Variants in VIT observed in about 807,000 individuals in gnomAD.
VIT encodes vitrin.
VIT carries 99 observed loss-of-function variants against 78.0 expected under a neutral mutation model. The observed-to-expected ratio is 1.27, with a 90% confidence interval of 1.08 to 1.50. VIT has a LOEUF of 1.50. Ranked by LOEUF, VIT falls within the 40% of genes most tolerant of loss-of-function variation. VIT has a pLI of 0.00. For missense variants in VIT, 1,126 were observed against 875.3 expected (o/e 1.29, Z -3.61); for synonymous variants, 374 against 334.3 (o/e 1.12, Z -1.29).
chr2:36,792,878 A>G (rs1665604513), intron 12 of VIT, among the ~76,000 whole-genome samples: 1 of 151,876 alleles, frequency 6.6e-6, no homozygotes, highest in Non-Finnish European at 1.5e-5. Flanking sequence ...TCCTTCTTTC[A>G]TCTTATCACT....
chr2:36,795,506 G>T (rs1160297000), intron 12 of VIT, among the ~76,000 whole-genome samples: 1 of 151,754 alleles, frequency 6.6e-6, no homozygotes, highest in African/African-American at 2.4e-5. Flanking sequence ...TCCGCCTCCC[G>T]GGTTCAAGCG....
intron 12 of VIT, 130 bp downstream of exon 12, chr2:36,787,406 A>C: frequency 8.0e-7 from 1 of 1,250,442 alleles, no homozygotes; most frequent in Non-Finnish European, 1.1e-6. Context: ...CTCTTCCCTA[A>C]TGCAAATGTA....
In VIT at chr2:36,801,244, T is replaced by C; in HGVS notation, c.1059-57T>C. ...AAAAGAATCAACCATGATCTCTGCC[T>C]TCCTCCAAAGGTATTAACTTTGCAG... On this transcript the variant is annotated intron_variant, in intron 12 of 15. Coordinates refer to ENST00000379242, the MANE Select transcript of VIT (RefSeq NM_053276.4). The C allele has an allele frequency of 9.6e-6, 14 of 1,454,104 alleles. 1 individual carries two copies. In the South Asian group the frequency reaches 1.6e-4, roughly 17 times the overall value. The allele number at this position is 1,454,104 out of a possible 1,614,324, so 90.1% of individuals were successfully genotyped here.
At chr2:36,788,561 G>A (rs1424794160) in intron 12 of VIT, among the ~76,000 whole-genome samples, 1 of 152,190 alleles carries the variant, frequency 6.6e-6, no homozygotes, top group Non-Finnish European at 1.5e-5. Flanking sequence ...AAGCTCAGGG[G>A]ATCTATCTTG....
At chr2:36,759,735 G>C in intron 6 of VIT, 1 of 905,336 alleles carries the variant, frequency 1.1e-6, no homozygotes, top group Non-Finnish European at 1.3e-6. Flanking sequence ...TTATGAGCCT[G>C]ATAGTTCAGG....
At chr2:36,742,785 T>G (rs893844598) in intron 3 of VIT, among the ~76,000 whole-genome samples, 1 of 152,226 alleles carries the variant, frequency 6.6e-6, no homozygotes, top group African/African-American at 2.4e-5. Context: ...TGACTCAAGA[T>G]AACATTTCTG....
chr2:36,733,248 C>T (rs750430862), intron 3 of VIT, among the ~76,000 whole-genome samples: 5 of 152,172 alleles, frequency 3.3e-5, no homozygotes, highest in Non-Finnish European at 7.3e-5. Flanking sequence ...CAGCTCCCTC[C>T]GGTTGGACTG....
intron 3 of VIT, among the ~76,000 whole-genome samples, chr2:36,740,599 AT>A (rs1179123418): frequency 3.3e-5 from 5 of 151,970 alleles, no homozygotes; most frequent in South Asian, 2.1e-4. Flanking sequence ...GCCTGATTTC[AT>A]TTTTTTCCCC....
intron 12 of VIT, among the ~76,000 whole-genome samples, chr2:36,790,325 T>A (rs1316975221): frequency 1.3e-5 from 2 of 152,104 alleles, no homozygotes; most frequent in African/African-American, 4.8e-5. Context: ...CCTCTCTGCC[T>A]CTCCATTCTG....
chr2:36,759,973 C>T (rs1669005810), intron 6 of VIT, among the ~76,000 whole-genome samples: 1 of 150,402 alleles, frequency 6.6e-6, no homozygotes, highest in Non-Finnish European at 1.5e-5. Flanking sequence ...CTCTAAACCA[C>T]CATTCTATAT....
chr2:36,735,190 A>T (rs1667440423), intron 3 of VIT, among the ~76,000 whole-genome samples: 1 of 152,154 alleles, frequency 6.6e-6, no homozygotes, highest in Non-Finnish European at 1.5e-5. Context: ...AAAAGAAAAA[A>T]GAAAATAATC....
rs553750326 is a variant in VIT, at chr2:36,814,469, T to C, written c.*108T>C. 5 of 1,314,542 alleles carry C rather than the reference T, an allele frequency of 3.8e-6. No individual in the cohort carries two copies. In the South Asian group the frequency reaches 6.3e-5, roughly 16 times the overall value. The allele number at this position is 1,314,542 out of a possible 1,614,324, so 81.4% of individuals were successfully genotyped here. ...GGTGCATCAAGTCTTGGGCAGGGCA[T>C]GGAGAAACAAATGTCTTGTTATTAT... On this transcript the variant is annotated 3_prime_UTR_variant, in exon 16 of 16. Coordinates refer to ENST00000379242, the MANE Select transcript of VIT (RefSeq NM_053276.4).
chr2:36,794,138 C>T (rs1268983002), intron 12 of VIT, among the ~76,000 whole-genome samples: 1 of 152,150 alleles, frequency 6.6e-6, no homozygotes, highest in South Asian at 2.1e-4. Context: ...CTTCTTAAAC[C>T]CTTGCAGCGT....
At chr2:36,697,593 G>C (rs563362539) in intron 1 of VIT, among the ~76,000 whole-genome samples, 1 of 152,196 alleles carries the variant, frequency 6.6e-6, no homozygotes, top group East Asian at 1.9e-4. Flanking sequence ...GTCTGCCATC[G>C]TAGCTCAGCT....
chr2:36,767,411 G>T (rs1299422357), intron 7 of VIT, 126 bp downstream of exon 7: 2 of 1,008,186 alleles, frequency 2.0e-6, no homozygotes, highest in Admixed American at 4.2e-5. Context: ...TGGGCCGGGG[G>T]TATGTTATTT....
At chr2:36,727,334 G>A (rs1240413359) in intron 2 of VIT, among the ~76,000 whole-genome samples, 5 of 152,214 alleles carry the variant, frequency 3.3e-5, no homozygotes, top group East Asian at 1.9e-4. Context: ...CACATATAGC[G>A]TGCACGCACA....
chr2:36,775,143 C>T, intron 9 of VIT, 76 bp downstream of exon 9: 2 of 1,546,938 alleles, frequency 1.3e-6, no homozygotes, highest in Non-Finnish European at 1.8e-6. Context: ...GAGGACCTCC[C>T]CACACACTTG....
intron 3 of VIT, among the ~76,000 whole-genome samples, chr2:36,732,182 C>G (rs560472721): frequency 1.3e-5 from 2 of 152,274 alleles, no homozygotes; most frequent in South Asian, 4.1e-4. Flanking sequence ...AACTCATATA[C>G]AAAAATCACG....
At chr2:36,740,925 A>G (rs1038298615) in intron 3 of VIT, among the ~76,000 whole-genome samples, 6 of 152,236 alleles carry the variant, frequency 3.9e-5, no homozygotes, top group African/African-American at 9.6e-5. Context: ...GCTTCCAGAT[A>G]GAGACTCGTT....
Sources: allele counts gnomAD v4.1 joint callset (sites outside exome capture counted in the v4.1 genomes callset), GRCh38; gene constraint gnomAD v4.1.1; transcripts MANE v1.5; gene names NCBI Gene and HGNC (gene_info 2026-07-23, HGNC 2026-07-21).